Variants in CFAP300 observed in about 807,000 individuals in gnomAD.
The protein encoded by CFAP300 is cilia and flagella associated protein 300.
Under a neutral mutation model 33.0 loss-of-function variants are expected in CFAP300, and 32 were observed. The ratio of observed to expected loss-of-function variants is 0.97; its 90% CI spans 0.73 to 1.30. CFAP300 has a LOEUF of 1.30. Ranked by LOEUF, CFAP300 falls within the 50% of genes most tolerant of loss-of-function variation. The pLI is 0.00. For synonymous variants in CFAP300, 102 were observed against 106.8 expected (o/e 0.95, Z 0.28); for missense variants, 356 against 318.1 (o/e 1.12, Z -0.90).
intron 5 of CFAP300, 53 bp from the exon 6 acceptor site, chr11:102,081,162 G>A: frequency 7.8e-7 from 1 of 1,285,644 alleles, no homozygotes; most frequent in Non-Finnish European, 1.1e-6. Flanking sequence ...TTACTTAAAT[G>A]TATATGCCAA....
At chr11:102,069,711 G>A (rs990199651) in intron 4 of CFAP300, among the ~76,000 whole-genome samples, 5 of 152,128 alleles carry the variant, frequency 3.3e-5, no homozygotes, top group Admixed American at 6.5e-5. Flanking sequence ...GCTGAGGCAG[G>A]AGAATCGCTT....
At chr11:102,072,395 T>C (rs1348637806) in intron 4 of CFAP300, among the ~76,000 whole-genome samples, 4 of 152,166 alleles carry the variant, frequency 2.6e-5, no homozygotes, top group African/African-American at 9.6e-5. Flanking sequence ...GTTTTTCTGA[T>C]TTCTTTGTAT....
intron 3 of CFAP300, among the ~76,000 whole-genome samples, chr11:102,062,331 G>A (rs1287920586): frequency 6.6e-6 from 1 of 152,212 alleles, no homozygotes; most frequent in Non-Finnish European, 1.5e-5. Context: ...GTACTGAGAA[G>A]TGAGGAGCTG....
intron 2 of CFAP300, among the ~76,000 whole-genome samples, chr11:102,057,619 A>G (rs1015185753): frequency 6.6e-6 from 1 of 152,232 alleles, no homozygotes; most frequent in African/African-American, 2.4e-5. Flanking sequence ...ACTTTTGGGA[A>G]GTCCAAGTGA....
intron 4 of CFAP300, among the ~76,000 whole-genome samples, chr11:102,072,958 G>A (rs1457780690): frequency 6.6e-6 from 1 of 152,142 alleles, no homozygotes; most frequent in East Asian, 1.9e-4. Context: ...GTTAGTAGAG[G>A]CTGGGGTGAG....
intron 2 of CFAP300, among the ~76,000 whole-genome samples, chr11:102,050,009 G>A (rs1941945562): frequency 6.6e-6 from 1 of 152,000 alleles, no homozygotes; most frequent in Admixed American, 6.6e-5. Context: ...TTTTTAATTA[G>A]CTGGGTGTGG....
intron 3 of CFAP300, among the ~76,000 whole-genome samples, chr11:102,065,060 G>A (rs554273612): frequency 2.1e-4 from 32 of 152,134 alleles, no homozygotes; most frequent in East Asian, 7.7e-4. Flanking sequence ...CTTAGAAACC[G>A]TCTTTTATAG....
chr11:102,071,675 G>C (rs1041194224), intron 4 of CFAP300, among the ~76,000 whole-genome samples: 1 of 152,066 alleles, frequency 6.6e-6, no homozygotes, highest in Non-Finnish European at 1.5e-5. Flanking sequence ...ATTTTGGCTT[G>C]TCTAGGAAAT....
At chr11:102,049,241 G>A (rs549162984) in intron 2 of CFAP300, among the ~76,000 whole-genome samples, 2 of 152,246 alleles carry the variant, frequency 1.3e-5, no homozygotes, top group African/African-American at 4.8e-5. Context: ...GCCTTCTGGC[G>A]GTTGCCACCC....
chr11:102,076,444 G>A (rs879115097), intron 5 of CFAP300, among the ~76,000 whole-genome samples: 21 of 152,318 alleles, frequency 1.4e-4, no homozygotes, highest in Admixed American at 1.0e-3. Flanking sequence ...CCAAAGAAGT[G>A]GAAGAATTTT....
intron 5 of CFAP300, among the ~76,000 whole-genome samples, chr11:102,077,370 C>A (rs1028434069): frequency 1.3e-5 from 2 of 152,208 alleles, no homozygotes; most frequent in Non-Finnish European, 2.9e-5. Flanking sequence ...CAGTGTCTAA[C>A]CTGCCCTTGC....
intron 4 of CFAP300, among the ~76,000 whole-genome samples, chr11:102,073,273 G>A (rs75083980): frequency 0.11 from 16,756 of 152,156 alleles, 1,201 homozygotes; most frequent in African/African-American, 0.19. Flanking sequence ...TGGCTGTGAT[G>A]TGCTAGGCAG....
At chr11:102,082,164 C>T (rs1229778225) in intron 6 of CFAP300, among the ~76,000 whole-genome samples, 1 of 151,720 alleles carries the variant, frequency 6.6e-6, no homozygotes, top group Non-Finnish European at 1.5e-5. Flanking sequence ...CACTTGAGGT[C>T]GGGAGTTCAA....
At chr11:102,060,408 C>T (rs146631634) in intron 3 of CFAP300, among the ~76,000 whole-genome samples, 144 of 151,908 alleles carry the variant, frequency 9.5e-4, no homozygotes, top group African/African-American at 3.3e-3. Context: ...TGAGCCACCG[C>T]GCCCAGCTAG....
At chr11:102,047,777 C>T (rs766375235) in intron 1 of CFAP300, 38 bp from the exon 2 acceptor site, 1 of 1,603,582 alleles carries the variant, frequency 6.2e-7, no homozygotes. Flanking sequence ...GAGAGGGTGC[C>T]AGCCCCCAGA....
intron 2 of CFAP300, among the ~76,000 whole-genome samples, chr11:102,051,019 G>T (rs1230772077): frequency 6.6e-6 from 1 of 152,088 alleles, no homozygotes; most frequent in African/African-American, 2.4e-5. Flanking sequence ...TACCAGTATG[G>T]CCCAGATTTA....
chr11:102,073,343 C>T (rs546016439), intron 4 of CFAP300, among the ~76,000 whole-genome samples: 4 of 152,254 alleles, frequency 2.6e-5, no homozygotes, highest in African/African-American at 9.6e-5. Context: ...ATGGTGGTAG[C>T]CAGTTGAGTA....
chr11:102,060,828 A>T (rs555150017), intron 3 of CFAP300, among the ~76,000 whole-genome samples: 16 of 152,334 alleles, frequency 1.1e-4, no homozygotes, highest in Admixed American at 9.2e-4. Flanking sequence ...TTAGTAGGTC[A>T]GATTTTATTG....
At chr11:102,066,729 A>T (rs1047001815) in intron 4 of CFAP300, 78 bp downstream of exon 4, 218 of 1,256,834 alleles carry the variant, frequency 1.7e-4, no homozygotes, top group Non-Finnish European at 2.3e-4. Context: ...TTGCCTGCTT[A>T]AAGCATAAAA....
Sources: gnomAD v4.1 joint callset for allele counts (sites outside exome capture counted in the v4.1 genomes callset) on GRCh38, gnomAD v4.1.1 for gene constraint, MANE v1.5 for transcripts, NCBI Gene and HGNC (gene_info 2026-07-23, HGNC 2026-07-21) for gene names.